The following DLG2 variants were observed in gnomAD, a reference collection of about 807,000 sequenced individuals.
DLG2 encodes the protein disks large homolog 2.
In DLG2, 45 loss-of-function variants were observed where a neutral mutation model predicts 132.5. The observed-to-expected ratio is 0.34, with a 90% CI of 0.27 to 0.44. DLG2 has a LOEUF of 0.44. Among genes scored for constraint, DLG2 ranks in the 20% least tolerant of loss-of-function variants. The pLI, the probability that DLG2 is intolerant of heterozygous loss-of-function variation, is 1.00. For synonymous variants in DLG2, 424 were observed against 419.6 expected (o/e 1.01, Z -0.13); for missense variants, 1,045 against 1,196.9 (o/e 0.87, Z 1.87).
At chr11:84,713,877 G>GA (rs35674124) in intron 6 of DLG2, among the ~76,000 whole-genome samples, 1 of 151,826 alleles carries the variant, frequency 6.6e-6, no homozygotes, top group African/African-American at 2.4e-5. Context: ...AATTTAAGGG[G>GA]AAAAAAGCCA....
At chr11:85,053,024 A>G (rs879922389) in intron 6 of DLG2, among the ~76,000 whole-genome samples, 5 of 152,064 alleles carry the variant, frequency 3.3e-5, no homozygotes, top group Non-Finnish European at 7.4e-5. Context: ...CTACATTGTC[A>G]TATCTGCTCT....
chr11:83,527,927 C>T (rs904994548), intron 21 of DLG2, among the ~76,000 whole-genome samples: 4 of 152,016 alleles, frequency 2.6e-5, no homozygotes, highest in Non-Finnish European at 5.9e-5. Context: ...AACAGAATGG[C>T]TGGTTAACGG....
At chr11:84,386,777 C>T (rs989586880) in intron 7 of DLG2, among the ~76,000 whole-genome samples, 1 of 152,032 alleles carries the variant, frequency 6.6e-6, no homozygotes, top group African/African-American at 2.4e-5. Flanking sequence ...TTTTCCTTCA[C>T]AAACCATGCA....
At chr11:85,248,333 G>A (rs1159381431) in intron 4 of DLG2, among the ~76,000 whole-genome samples, 1 of 151,992 alleles carries the variant, frequency 6.6e-6, no homozygotes, top group Non-Finnish European at 1.5e-5. Flanking sequence ...AAAAAGCATT[G>A]AGATCATTAT....
chr11:84,865,774 A>G (rs1016566223), intron 6 of DLG2, among the ~76,000 whole-genome samples: 9 of 152,236 alleles, frequency 5.9e-5, no homozygotes, highest in Admixed American at 5.9e-4. Flanking sequence ...ATGTTTGGAA[A>G]AAAATCCACT....
chr11:83,524,910 G>A (rs1428302113), intron 21 of DLG2, among the ~76,000 whole-genome samples: 1 of 152,118 alleles, frequency 6.6e-6, no homozygotes, highest in East Asian at 1.9e-4. Context: ...ATGTGTGTGT[G>A]TGCACTGTGA....
chr11:85,094,167 A>G (rs1337378000), intron 6 of DLG2, among the ~76,000 whole-genome samples: 1 of 152,242 alleles, frequency 6.6e-6, no homozygotes, highest in South Asian at 2.1e-4. Context: ...GCACTACAGT[A>G]AACCATGCTG....
chr11:84,472,933 G>C (rs979316627), intron 7 of DLG2, among the ~76,000 whole-genome samples: 3 of 151,848 alleles, frequency 2.0e-5, no homozygotes, highest in Admixed American at 1.3e-4. Context: ...CCTCATTCTT[G>C]CAACACAAGA....
chr11:83,988,047 A>G (rs1367311396), intron 11 of DLG2, among the ~76,000 whole-genome samples: 3 of 152,138 alleles, frequency 2.0e-5, no homozygotes, highest in Admixed American at 2.0e-4. Flanking sequence ...CCTTTGTCAG[A>G]TGAATAGATT....
At chr11:83,522,755 C>T (rs905992417) in intron 21 of DLG2, among the ~76,000 whole-genome samples, 1 of 151,580 alleles carries the variant, frequency 6.6e-6, no homozygotes, top group Non-Finnish European at 1.5e-5. Context: ...GCTATTTGCT[C>T]CAGGTCATGT....
intron 15 of DLG2, among the ~76,000 whole-genome samples, chr11:83,929,299 G>T (rs1408213373): frequency 6.6e-6 from 1 of 152,044 alleles, no homozygotes; most frequent in Non-Finnish European, 1.5e-5. Context: ...TCTAAAGTCT[G>T]TATTTTTTCA....
At chr11:83,850,663 G>A (rs1013404763) in intron 16 of DLG2, among the ~76,000 whole-genome samples, 2 of 152,174 alleles carry the variant, frequency 1.3e-5, no homozygotes, top group Non-Finnish European at 2.9e-5. Context: ...ATCAGGAAGA[G>A]GTTCTTAGAC....
chr11:85,066,769 C>G (rs1465245066), intron 6 of DLG2, among the ~76,000 whole-genome samples: 1 of 151,504 alleles, frequency 6.6e-6, no homozygotes, highest in Non-Finnish European at 1.5e-5. Flanking sequence ...CATCAACAAA[C>G]TTAGCATCAA....
At chr11:84,074,660 C>T (rs372413843) in intron 10 of DLG2, among the ~76,000 whole-genome samples, 3 of 151,902 alleles carry the variant, frequency 2.0e-5, no homozygotes, top group African/African-American at 7.3e-5. Flanking sequence ...TCCCAAGTAG[C>T]TGGGACTATA....
At chr11:85,042,575 A>G (rs528963456) in intron 6 of DLG2, among the ~76,000 whole-genome samples, 4 of 152,126 alleles carry the variant, frequency 2.6e-5, no homozygotes, top group African/African-American at 9.6e-5. Flanking sequence ...AAGTTGACAA[A>G]GGATTAAATA....
At chr11:85,303,460 T>C (rs2079735552) in intron 3 of DLG2, among the ~76,000 whole-genome samples, 1 of 152,202 alleles carries the variant, frequency 6.6e-6, no homozygotes. Flanking sequence ...GTCCATGTAA[T>C]TCAATAAATA....
At chr11:85,548,060 T>C (rs143130907) in intron 3 of DLG2, among the ~76,000 whole-genome samples, 12,785 of 152,164 alleles carry the variant, frequency 0.084, 734 homozygotes, top group Non-Finnish European at 0.12. Context: ...TGGAGGAGAA[T>C]AGGCATTCTG....
chr11:85,218,956 A>T (rs2082809429), intron 4 of DLG2, among the ~76,000 whole-genome samples: 1 of 152,180 alleles, frequency 6.6e-6, no homozygotes, highest in Admixed American at 6.6e-5. Flanking sequence ...AAGCAAATTA[A>T]CACAACAAAA....
chr11:84,651,801 C>A (rs2099682376), intron 6 of DLG2, among the ~76,000 whole-genome samples: 1 of 152,132 alleles, frequency 6.6e-6, no homozygotes. Flanking sequence ...TTCCATAACA[C>A]CAGTAGGCAC....
Sources: gnomAD v4.1 joint callset for allele counts (sites outside exome capture counted in the v4.1 genomes callset) on GRCh38, gnomAD v4.1.1 for gene constraint, MANE v1.5 for transcripts, NCBI Gene and HGNC (gene_info 2026-07-23, HGNC 2026-07-21) for gene names.